PKLR: variants seen among roughly 807,000 people sequenced by gnomAD.
PKLR encodes the protein pyruvate kinase L/R.
A neutral mutation model predicts 53.6 loss-of-function variants in PKLR; 38 were observed. That is an observed-to-expected ratio of 0.71 (90% CI 0.55 to 0.93). The LOEUF is 0.93. PKLR is among the 40% of genes least tolerant of loss of function. The pLI is 0.00. For missense variants in PKLR, 702 were observed against 787.3 expected, an observed-to-expected ratio of 0.89 and a Z score of 1.30; for synonymous variants, 328 against 316.2, an observed-to-expected ratio of 1.04 and a Z score of -0.39.
At chr1:155,299,491 CTTTTTT>C (rs35869567) in intron 2 of PKLR, among the ~76,000 whole-genome samples, 3 of 42,760 alleles carry the variant, frequency 7.0e-5, no homozygotes, top group East Asian at 8.4e-4. Flanking sequence ...GCCCAGCCCA[CTTTTTT>C]TTTTTTTTTT....
chr1:155,302,241 T>C (rs537322580), upstream of PKLR, among the ~76,000 whole-genome samples: 8 of 146,648 alleles, frequency 5.5e-5, no homozygotes, highest in South Asian at 2.2e-4. Flanking sequence ...TCTTTTCTTT[T>C]TTTTTTTTTT....
chr1:155,298,975 T>C (rs1388266808), intron 2 of PKLR, among the ~76,000 whole-genome samples: 2 of 83,056 alleles, frequency 2.4e-5, no homozygotes, highest in East Asian at 1.4e-3. Flanking sequence ...TCTTTCTTTC[T>C]TTCTTTCTTT....
Position 155,301,332 on chromosome 1 carries a change from C to G in PKLR, c.64G>C (p.Asp22His). Residue 22 changes from aspartate (D) to histidine (H), a missense_variant, in exon 1 of 11, where the codon GAC becomes CAC. Asp to His is a moderately conservative substitution (Grantham distance 81, BLOSUM62 -1). Coordinates refer to ENST00000342741, the MANE Select transcript of PKLR (RefSeq NM_000298.6). The part of the protein sequence containing the change: ...LRSWVSKSQR[D>H]LAKSILIGAP... ...CCAATCAGGATGGACTTTGCTAAGT[C>G]TCTTTGGGACTTAGAGACCCATGAC... 1.9e-6 allele frequency: 3 copies of G among 1,614,052 alleles called. No homozygotes were observed. The highest frequency in any genetic ancestry group is 2.2e-5 in the South Asian group (2 of 91,074).
chr1:155,299,758 G>A (rs749047835), intron 2 of PKLR, among the ~76,000 whole-genome samples: 3 of 150,888 alleles, frequency 2.0e-5, no homozygotes, highest in Non-Finnish European at 3.0e-5. Context: ...TGCCCACCTG[G>A]GCCTCCCAAC....
chr1:155,301,156 A>G, intron 1 of PKLR, 140 bp downstream of exon 1: 1 of 1,322,148 alleles, frequency 7.6e-7, no homozygotes, highest in Non-Finnish European at 1.1e-6. Context: ...AACACACGGG[A>G]GGCTCTGAAG....
chr1:155,298,960 TTC>T (rs1427575778), intron 2 of PKLR, among the ~76,000 whole-genome samples: 9 of 39,370 alleles, frequency 2.3e-4, no homozygotes, highest in African/African-American at 1.2e-3. Flanking sequence ...ACTCCTTTCT[TTC>T]TTTCTTTCTT....
rs1250022345 is a variant in PKLR, at chr1:155,295,769, A to AT, written c.284-14dup. ...CGAGATGCTGGCCCTAGAACCAGAG[A>AT]TTCACGTTCAGACAACGTTCCCCCA... On this transcript the variant is annotated splice_polypyrimidine_tract_variant and intron_variant, in intron 2 of 10. Coordinates refer to ENST00000342741, the MANE Select transcript of PKLR (RefSeq NM_000298.6). This position sits in a 1 kb window ranked among gnomAD's most constrained non-coding sequence, Gnocchi z 4.3. 6.2e-7 allele frequency: 1 copy of AT among 1,610,520 alleles called. No individual in the cohort carries two copies. The highest frequency in any genetic ancestry group is 8.5e-7 in the Non-Finnish European group (1 of 1,176,922).
upstream of PKLR, among the ~76,000 whole-genome samples, chr1:155,304,293 G>C (rs1437671650): frequency 6.6e-6 from 1 of 152,058 alleles, no homozygotes. Flanking sequence ...AATTAGCCAG[G>C]TGTGGTGGTG....
At chr1:155,297,466 C>A (rs747256347) in intron 2 of PKLR, among the ~76,000 whole-genome samples, 1 of 152,160 alleles carries the variant, frequency 6.6e-6, no homozygotes, top group Non-Finnish European at 1.5e-5. Context: ...GATCAATTAG[C>A]AAATCCTGTC....
At chr1:155,297,370 G>A (rs1050325560) in intron 2 of PKLR, among the ~76,000 whole-genome samples, 13 of 151,344 alleles carry the variant, frequency 8.6e-5, no homozygotes, top group Admixed American at 4.6e-4. Flanking sequence ...CTAATGCATC[G>A]TTCCAGTTCC....
chr1:155,291,501 A>G (rs912996438), intron 10 of PKLR, among the ~76,000 whole-genome samples: 1 of 152,136 alleles, frequency 6.6e-6, no homozygotes, highest in Admixed American at 6.5e-5. Context: ...TCTCAAAAAA[A>G]AAAAAAGGTG....
chr1:155,293,323 G>T lies in PKLR; in HGVS notation c.1290C>A (p.Ala430=). ...MQHAIAREAE[A]AVYHRQLFEE... ...CAAACAGCTGCCGGTGGTACACTGC[G>T]GCCTCTGCCTCCCGGGCAATCTGCA... Residue 430 remains alanine (A), a synonymous_variant, in exon 9 of 11, where the codon GCC becomes GCA. Transcript: ENST00000342741. The surrounding 1 kb of genome is among the most constrained non-coding windows in gnomAD (Gnocchi z 4.2). 1.2e-6 allele frequency: 2 copies of T among 1,614,186 alleles called. No individual in the cohort carries two copies. Among genetic ancestry groups the T allele is most frequent in the South Asian group, 1.1e-5 (1 of 91,080 alleles).
Position 155,295,045 on chromosome 1 carries a change from G to T in PKLR, c.694+71C>A. 1 of 1,529,178 alleles carries T rather than the reference G, an allele frequency of 6.5e-7. No individual in the cohort carries two copies. Among genetic ancestry groups the T allele is most frequent in the Non-Finnish European group, 9.0e-7 (1 of 1,114,110 alleles). The allele number at this position is 1,529,178 out of a possible 1,614,324, so 94.7% of individuals were successfully genotyped here. ...GGAAGGTGTGATCGGTCTGAGGGCT[G>T]ATGGGGGAGCCAAGGAGAAGGGAAT... On this transcript the variant is annotated intron_variant, in intron 5 of 10. Coordinates refer to ENST00000342741, the MANE Select transcript of PKLR (RefSeq NM_000298.6). This position sits in a 1 kb window ranked among gnomAD's most constrained non-coding sequence, Gnocchi z 4.3.
At chr1:155,297,612 G>A (rs963370178) in intron 2 of PKLR, among the ~76,000 whole-genome samples, 1 of 151,890 alleles carries the variant, frequency 6.6e-6, no homozygotes, top group African/African-American at 2.4e-5. Flanking sequence ...CAGCAGGGGA[G>A]GGGAGGCTCT....
rs762330662 is a variant in PKLR, at chr1:155,295,438, C to T, written c.506G>A (p.Gly169Glu). Residue 169 changes from glycine (G) to glutamate (E), a missense_variant and splice_region_variant, in exon 4 of 11, where the codon GGG becomes GAG. By Grantham distance (98) the Gly-to-Glu change is moderately conservative. This residue lies in a region of PKLR where 519 missense variants were observed against 537.1 expected (regional missense o/e 0.97). Transcript: ENST00000342741. This position sits in a 1 kb window ranked among gnomAD's most constrained non-coding sequence, Gnocchi z 4.3. The part of the protein sequence containing the change: ...GPEIRTGILQ[G>E]GPESEVELVK... ...GCGAGTCCCAGCCCCACTGCTCACC[C>T]CCTGCAGGATCCCAGTGCGGATCTC... 6.2e-6 allele frequency: 10 copies of T among 1,609,944 alleles called. No individual in the cohort carries two copies. In the Admixed American group the frequency reaches 1.4e-4, roughly 22 times the overall value.
At chr1:155,301,846 C>T (rs1648015162), upstream of PKLR, among the ~76,000 whole-genome samples, 1 of 151,978 alleles carries the variant, frequency 6.6e-6, no homozygotes, top group South Asian at 2.1e-4. Context: ...TGCAGAGTGC[C>T]TTCACCACTC....
chr1:155,301,163 G>A, intron 1 of PKLR, 133 bp downstream of exon 1: 1 of 1,339,520 alleles, frequency 7.5e-7, no homozygotes, highest in South Asian at 1.2e-5. Context: ...GGGAGGCTCT[G>A]AAGAACGTAC....
Position 155,294,853 on chromosome 1 carries a change from A to G in PKLR, c.695-101T>C, listed in dbSNP as rs1043097357. The G allele has an allele frequency of 5.0e-6, 7 of 1,406,560 alleles. No homozygotes were observed. In the Admixed American group the frequency reaches 5.5e-5, roughly 11 times the overall value. 87.1% of individuals were successfully genotyped at this position (1,406,560 alleles called of 1,614,324 possible). On this transcript the variant is annotated intron_variant, in intron 5 of 10. Transcript: ENST00000342741. Reference sequence around the variant, plus strand: ...TTGGACCCGCAAGAGGTCAGGAACCATGTCCTCCTCATCTCTCCGCCCTTG... The same window carrying G: ...TTGGACCCGCAAGAGGTCAGGAACCGTGTCCTCCTCATCTCTCCGCCCTTG...
At position 155,300,231 on chromosome 1, in the gene PKLR, C is replaced by T. The variant is rs767023470; in HGVS notation, c.150G>A (p.Glu50=). 6.2e-7 allele frequency: 1 copy of T among 1,612,188 alleles called. No homozygotes were observed. The highest frequency in any genetic ancestry group is 8.5e-7 in the Non-Finnish European group (1 of 1,179,250). ...RRASVAQLTQ[E]LGTAFFQQQQ... ...GCTGCTGGAAGAAGGCAGTGCCCAG[C>T]TCCTGGGTCAGTTGGGCCACACTGG... The change falls in exon 2 of 11, where the codon GAG becomes GAA. Residue 50 remains glutamate, a synonymous_variant. Transcript: ENST00000342741.
Sources: gnomAD v4.1 joint callset for allele counts (sites outside exome capture counted in the v4.1 genomes callset) on GRCh38, gnomAD v4.1.1 for gene constraint, gnomAD v4.1.1 regional missense constraint, Gnocchi (gnomAD v3.1) non-coding constraint, MANE v1.5 for transcripts, NCBI Gene and HGNC (gene_info 2026-07-23, HGNC 2026-07-21) for gene names.